MTCH2: variants seen among roughly 807,000 people sequenced by gnomAD.
The protein encoded by MTCH2 is mitochondrial carrier homolog 2.
In MTCH2, 25 loss-of-function variants were observed where a neutral mutation model predicts 50.6. That is an observed-to-expected ratio of 0.49 (90% confidence interval 0.36 to 0.69). MTCH2 has a LOEUF of 0.69. MTCH2 is among the 30% of genes least tolerant of loss of function. The pLI is 0.00. For synonymous variants in MTCH2, 106 were observed against 132.0 expected (o/e 0.80, Z 1.35); for missense variants, 273 against 384.4 (o/e 0.71, Z 2.42).
At chr11:47,633,996 G>A (rs1343071671) in intron 5 of MTCH2, among the ~76,000 whole-genome samples, 1 of 152,130 alleles carries the variant, frequency 6.6e-6, no homozygotes. Context: ...TGGGTGATGA[G>A]GAACTTTTCA....
chr11:47,639,049 C>T lies in MTCH2; in HGVS notation c.90G>A (p.Val30=), dbSNP rs758651217. 4 of 1,608,702 alleles carry T rather than the reference C, an allele frequency of 2.5e-6. No homozygotes were observed. The East Asian group carries it at 6.7e-5, about 27-fold the overall frequency. ...PLMYVKVLIQ[V]GYEPLPPTIG... is the part of the protein sequence containing the mutation. ...TTGTTGGAGGAAGAGGCTCATATCC[C>T]ACCTTTAAAAACAATGGAATATATC... The change falls in exon 2 of 13, where the codon GTG becomes GTA. Residue 30 remains valine (V), a splice_region_variant and synonymous_variant. Coordinates refer to ENST00000302503, the MANE Select transcript of MTCH2 (RefSeq NM_014342.4).
intron 11 of MTCH2, among the ~76,000 whole-genome samples, chr11:47,624,866 T>A (rs757630080): frequency 2.6e-5 from 4 of 152,160 alleles, no homozygotes; most frequent in Non-Finnish European, 4.4e-5. Flanking sequence ...GGTAGGCAGA[T>A]CACCGGAGGT....
chr11:47,634,200 C>T (rs4752857), intron 5 of MTCH2, among the ~76,000 whole-genome samples: 42,597 of 152,048 alleles, frequency 0.28, 7,012 homozygotes, highest in Middle Eastern at 0.38. Context: ...CGCAGCCTCT[C>T]GAGTACCTGG....
At chr11:47,607,954 C>T in the MTCH2 span, among the ~76,000 whole-genome samples, 2 of 152,314 alleles carry the variant, frequency 1.3e-5, no homozygotes, top group East Asian at 1.9e-4. Context: ...CTTCACTCTT[C>T]GTTAAAATCT....
At chr11:47,616,228 A>C (rs2097288320), downstream of MTCH2, among the ~76,000 whole-genome samples, 1 of 151,684 alleles carries the variant, frequency 6.6e-6, no homozygotes, top group African/African-American at 2.4e-5. Context: ...CCCCCAGCCC[A>C]CCCCACACTC....
At chr11:47,624,083 T>A (rs2097295759) in intron 11 of MTCH2, among the ~76,000 whole-genome samples, 1 of 151,658 alleles carries the variant, frequency 6.6e-6, no homozygotes, top group Non-Finnish European at 1.5e-5. Context: ...ATACAAAAAA[T>A]TAGCCAGGCA....
chr11:47,606,215 CCT>C, the MTCH2 span, among the ~76,000 whole-genome samples: 24 of 152,124 alleles, frequency 1.6e-4, no homozygotes, highest in African/African-American at 5.6e-4. Context: ...TCCTCTAACC[CCT>C]GTTTTGCTGA....
At chr11:47,604,426 C>T in the MTCH2 span, among the ~76,000 whole-genome samples, 1 of 152,078 alleles carries the variant, frequency 6.6e-6, no homozygotes, top group East Asian at 1.9e-4. Flanking sequence ...GGTAAAATGA[C>T]ACAATTGGAC....
At chr11:47,626,882 G>C (rs2097298716) in intron 10 of MTCH2, among the ~76,000 whole-genome samples, 198 bp downstream of exon 10, 1 of 152,098 alleles carries the variant, frequency 6.6e-6, no homozygotes, top group African/African-American at 2.4e-5. Context: ...CAAAGTGCTA[G>C]GATTACAGGC....
At chr11:47,622,361 A>C (rs1424130083) in intron 12 of MTCH2, among the ~76,000 whole-genome samples, 2 of 152,142 alleles carry the variant, frequency 1.3e-5, no homozygotes, top group Non-Finnish European at 2.9e-5. Context: ...GTTTGGGGGA[A>C]AAAAAGAGTC....
chr11:47,609,873 G>A, the MTCH2 span, among the ~76,000 whole-genome samples: 2 of 152,160 alleles, frequency 1.3e-5, no homozygotes, highest in Non-Finnish European at 2.9e-5. Flanking sequence ...GCCTAAAGGC[G>A]ACGGGAAAGA....
the MTCH2 span, among the ~76,000 whole-genome samples, chr11:47,608,041 A>G: frequency 1.3e-5 from 2 of 152,186 alleles, no homozygotes; most frequent in Non-Finnish European, 2.9e-5. Context: ...AGATTTGCAG[A>G]CCCATATCAG....
intron 8 of MTCH2, chr11:47,629,283 C>A (rs2097300857): frequency 6.3e-6 from 3 of 472,916 alleles, no homozygotes; most frequent in Admixed American, 3.3e-5. Flanking sequence ...GTCGGCTATA[C>A]CCTCAGTGGC....
intron 5 of MTCH2, among the ~76,000 whole-genome samples, chr11:47,632,465 T>A (rs1183671163): frequency 6.6e-6 from 1 of 150,746 alleles, no homozygotes; most frequent in Non-Finnish European, 1.5e-5. Flanking sequence ...GCCATTCTCC[T>A]GCCTCAGCCT....
chr11:47,630,574 C>T lies in MTCH2; in HGVS notation c.520G>A (p.Gly174Ser), dbSNP rs781272256. ...DSIITIYREE[G>S]ILGFFAGLVP... Reference sequence around the variant, plus strand: ...ACTCACGCGAAAAATCCTAGAATGCCCTCTTCCCGATAGATGGTTATTATG... The same window carrying T: ...ACTCACGCGAAAAATCCTAGAATGCTCTCTTCCCGATAGATGGTTATTATG... The change falls in exon 8 of 13, where the codon GGC becomes AGC. Residue 174 changes from glycine (G) to serine (S), a missense_variant. By Grantham distance (56) the Gly-to-Ser change is moderately conservative (BLOSUM62 0). Coordinates refer to ENST00000302503, the MANE Select transcript of MTCH2 (RefSeq NM_014342.4). 1.9e-6 allele frequency: 3 copies of T among 1,612,966 alleles called. No homozygotes were observed. The highest frequency in any genetic ancestry group is 2.5e-6 in the Non-Finnish European group (3 of 1,179,048).
At chr11:47,605,185 C>T in the MTCH2 span, among the ~76,000 whole-genome samples, 1 of 152,140 alleles carries the variant, frequency 6.6e-6, no homozygotes, top group Non-Finnish European at 1.5e-5. Context: ...GCCTCGGCCT[C>T]CCAAAGTGTT....
downstream of MTCH2, among the ~76,000 whole-genome samples, chr11:47,616,133 C>T (rs2097288261): frequency 6.6e-6 from 1 of 151,602 alleles, no homozygotes; most frequent in African/African-American, 2.4e-5. Flanking sequence ...TAATTTTCCT[C>T]CCTTTATTTC....
At chr11:47,616,286 T>C (rs1168721347), downstream of MTCH2, among the ~76,000 whole-genome samples, 1 of 152,154 alleles carries the variant, frequency 6.6e-6, no homozygotes, top group Non-Finnish European at 1.5e-5. Context: ...AGAGGAACAG[T>C]TTGTGGCAAC....
At chr11:47,614,204 GA>G (rs928365778), downstream of MTCH2, among the ~76,000 whole-genome samples, 50 of 145,396 alleles carry the variant, frequency 3.4e-4, no homozygotes, top group Middle Eastern at 3.6e-3. Context: ...AATTATTAAG[GA>G]AAAAAAAAAA....
Sources: gnomAD v4.1 joint callset for allele counts (sites outside exome capture counted in the v4.1 genomes callset) on GRCh38, gnomAD v4.1.1 for gene constraint, MANE v1.5 for transcripts, NCBI Gene and HGNC (gene_info 2026-07-23, HGNC 2026-07-21) for gene names.